The following MEGF11 variants were observed in gnomAD, a reference collection of about 807,000 sequenced individuals.
The protein encoded by MEGF11 is multiple EGF like domains 11.
In MEGF11, 126 loss-of-function variants were observed where a neutral mutation model predicts 146.6. The ratio of observed to expected loss-of-function variants is 0.86; its 90% confidence interval spans 0.74 to 1.00. The LOEUF is 1.00. Ranked by LOEUF, MEGF11 falls within the 50% of genes least tolerant of loss-of-function variation. MEGF11 has a pLI of 0.00. For synonymous variants in MEGF11, 532 were observed against 583.4 expected, an observed-to-expected ratio of 0.91 and a Z score of 1.27; for missense variants, 1,509 against 1,521.2, an observed-to-expected ratio of 0.99 and a Z score of 0.13.
chr15:65,973,117 C>CA (rs59330024), intron 7 of MEGF11, among the ~76,000 whole-genome samples: 6,464 of 130,400 alleles, frequency 0.05, 222 homozygotes, highest in Non-Finnish European at 0.073. Context: ...AACTCTGTCT[C>CA]AAAAAAAAAA....
intron 11 of MEGF11, 62 bp downstream of exon 11, chr15:65,930,761 C>A: frequency 6.7e-7 from 1 of 1,496,210 alleles, no homozygotes; most frequent in Admixed American, 2.0e-5. Flanking sequence ...CCTCAGCTGG[C>A]AGCACCACCT....
chr15:65,897,629 AATAT>A lies in MEGF11; in HGVS notation c.*301_*304del. The A allele has an allele frequency of 1.1e-5, 2 of 178,718 alleles. No individual in the cohort carries two copies. The highest frequency in any genetic ancestry group is 2.3e-5 in the Non-Finnish European group (2 of 86,234). 11.1% of individuals were successfully genotyped at this position (178,718 alleles called of 1,614,324 possible). On this transcript the variant is annotated 3_prime_UTR_variant, in exon 26 of 26. Coordinates refer to ENST00000395614, the MANE Select transcript of MEGF11 (RefSeq NM_001385028.1). ...TTTTTAAAATATCACGTTTCAGATA[AATAT>A]ATATATATATATCAGCTATATTTAG...
chr15:66,081,448 G>A (rs1012878504), intron 5 of MEGF11, among the ~76,000 whole-genome samples: 2 of 152,044 alleles, frequency 1.3e-5, no homozygotes, highest in Admixed American at 1.3e-4. Flanking sequence ...GCACGATCTC[G>A]GCTCACTGCA....
At chr15:65,931,420 C>T (rs2079571258) in intron 10 of MEGF11, among the ~76,000 whole-genome samples, 1 of 152,208 alleles carries the variant, frequency 6.6e-6, no homozygotes, top group Admixed American at 6.5e-5. Context: ...AGACCCTCTC[C>T]TAAAGCTTCC....
At chr15:65,971,881 G>A (rs1165310859) in intron 7 of MEGF11, among the ~76,000 whole-genome samples, 8 of 151,896 alleles carry the variant, frequency 5.3e-5, no homozygotes, top group African/African-American at 1.9e-4. Flanking sequence ...CCTGGAGCAA[G>A]GAAAACCTAA....
chr15:65,954,988 C>G (rs1372712528), intron 10 of MEGF11, among the ~76,000 whole-genome samples: 2 of 152,176 alleles, frequency 1.3e-5, no homozygotes, highest in African/African-American at 4.8e-5. Flanking sequence ...TACTTTTCCC[C>G]TTTTCCCCCA....
At chr15:66,154,697 C>T (rs561483039) in intron 1 of MEGF11, among the ~76,000 whole-genome samples, 3 of 152,328 alleles carry the variant, frequency 2.0e-5, no homozygotes, top group East Asian at 3.8e-4. Flanking sequence ...CAGAGAAAGA[C>T]GCACACACCT....
At chr15:66,028,609 C>T (rs1432632813) in intron 5 of MEGF11, among the ~76,000 whole-genome samples, 1 of 152,144 alleles carries the variant, frequency 6.6e-6, no homozygotes, top group African/African-American at 2.4e-5. Flanking sequence ...ATATTCATTG[C>T]AACATTACAA....
At chr15:65,913,162 T>G (rs2078869331) in intron 20 of MEGF11, among the ~76,000 whole-genome samples, 1 of 152,184 alleles carries the variant, frequency 6.6e-6, no homozygotes, top group South Asian at 2.1e-4. Flanking sequence ...AAATGCCTAT[T>G]GGAGCTGTTA....
intron 5 of MEGF11, among the ~76,000 whole-genome samples, chr15:66,044,768 G>T (rs2084127964): frequency 6.9e-6 from 1 of 144,232 alleles, no homozygotes; most frequent in Non-Finnish European, 1.5e-5. Flanking sequence ...CGGGAGAATT[G>T]CTTGAGCCCA....
In MEGF11 at chr15:66,128,341, G is replaced by C; in HGVS notation, c.63C>G (p.Asn21Lys). ...GGCTGCACACGTTGGGGTCCTCGGG[G>C]TTCAGGGCAAGGGTGGCTTGCAGGA... ...FSFLQATLALNPEDPNVCSHW... is the reference protein window; with the variant it reads ...FSFLQATLALKPEDPNVCSHW... Residue 21 changes from asparagine to lysine, a missense_variant, in exon 2 of 26, where the codon AAC becomes AAG. Asn to Lys is a moderately conservative substitution (Grantham distance 94, BLOSUM62 0). Coordinates refer to ENST00000395614, the MANE Select transcript of MEGF11 (RefSeq NM_001385028.1). The C allele has an allele frequency of 6.6e-7, 1 of 1,526,186 alleles. No homozygotes were observed. Among genetic ancestry groups the C allele is most frequent in the Non-Finnish European group, 8.8e-7 (1 of 1,135,226 alleles). 94.5% of individuals were successfully genotyped at this position (1,526,186 alleles called of 1,614,324 possible). A position where few individuals can be genotyped will look rare whatever the true frequency, so the allele number is the denominator to read the frequency against.
At chr15:66,189,183 G>C (rs1289153016) in intron 1 of MEGF11, among the ~76,000 whole-genome samples, 1 of 152,178 alleles carries the variant, frequency 6.6e-6, no homozygotes, top group Admixed American at 6.5e-5. Flanking sequence ...CGTTCTCCCA[G>C]GGAGACAGTC....
At chr15:66,191,273 G>A (rs2090869797) in intron 1 of MEGF11, among the ~76,000 whole-genome samples, 1 of 152,312 alleles carries the variant, frequency 6.6e-6, no homozygotes, top group South Asian at 2.1e-4. Flanking sequence ...CTCCGGGCTG[G>A]CCATTTAATT....
intron 5 of MEGF11, among the ~76,000 whole-genome samples, chr15:66,030,553 G>A (rs1349625283): frequency 6.6e-6 from 1 of 152,172 alleles, no homozygotes; most frequent in Non-Finnish European, 1.5e-5. Flanking sequence ...GGGACCACAG[G>A]CATTCACCAC....
chr15:65,913,776 G>T lies in MEGF11; in HGVS notation c.2671C>A (p.Pro891Thr). The T allele has an allele frequency of 6.2e-7, 1 of 1,613,684 alleles. No individual in the cohort carries two copies. Among genetic ancestry groups the T allele is most frequent in the Non-Finnish European group, 8.5e-7 (1 of 1,179,756 alleles). Residue 891 changes from proline to threonine, a missense_variant, in exon 20 of 26, where the codon CCT becomes ACT. By Grantham distance (38) the Pro-to-Thr change is conservative. Transcript: ENST00000395614. The part of the protein sequence containing the change: ...RDLAPRVSYT[P>T]AMRMTSTDYS... Reference sequence around the variant, plus strand: ...TCGGTGCTGGTCATCCTCATGGCAGGTGTGTAGGAGACACGGGGAGCCAGG... The same window carrying T: ...TCGGTGCTGGTCATCCTCATGGCAGTTGTGTAGGAGACACGGGGAGCCAGG...
intron 1 of MEGF11, among the ~76,000 whole-genome samples, chr15:66,203,180 C>A (rs1041086883): frequency 1.3e-5 from 2 of 152,224 alleles, no homozygotes; most frequent in Non-Finnish European, 2.9e-5. Context: ...GCTGCCTGAG[C>A]CTGCGCACTC....
At chr15:65,930,086 C>T (rs79091386) in intron 11 of MEGF11, among the ~76,000 whole-genome samples, 9,592 of 152,300 alleles carry the variant, frequency 0.063, 429 homozygotes, top group Non-Finnish European at 0.093. Context: ...CTCCTGCCTC[C>T]GGGTGCTCAT....
chr15:66,242,668 G>T (rs991262167), intron 1 of MEGF11, among the ~76,000 whole-genome samples: 7 of 152,098 alleles, frequency 4.6e-5, no homozygotes, highest in Non-Finnish European at 7.4e-5. Flanking sequence ...ATACCACAAT[G>T]CTGCACCATT....
At chr15:66,144,550 A>G (rs943294559) in intron 1 of MEGF11, among the ~76,000 whole-genome samples, 1 of 152,166 alleles carries the variant, frequency 6.6e-6, no homozygotes, top group African/African-American at 2.4e-5. Context: ...TGCCTGTTAC[A>G]TCCAAAAGGC....
Sources: allele counts gnomAD v4.1 joint callset (sites outside exome capture counted in the v4.1 genomes callset), GRCh38; gene constraint gnomAD v4.1.1; transcripts MANE v1.5; gene names NCBI Gene and HGNC (gene_info 2026-07-23, HGNC 2026-07-21).